The following CHCHD3 variants were observed in gnomAD, a reference collection of about 807,000 sequenced individuals.
CHCHD3 encodes the protein MICOS complex subunit MIC19.
In CHCHD3, 20 loss-of-function variants were observed where a neutral mutation model predicts 38.2. That is an observed-to-expected ratio of 0.52 (90% CI 0.37 to 0.76). The LOEUF is 0.76. Among genes scored for constraint, CHCHD3 ranks in the 30% least tolerant of loss-of-function variants. CHCHD3 has a pLI of 0.00. For missense variants in CHCHD3, 245 were observed against 279.2 expected (o/e 0.88, Z 0.87); for synonymous variants, 82 against 100.0 (o/e 0.82, Z 1.07).
At chr7:133,017,399 C>G (rs1813058368) in intron 3 of CHCHD3, among the ~76,000 whole-genome samples, 1 of 152,154 alleles carries the variant, frequency 6.6e-6, no homozygotes, top group South Asian at 2.1e-4. Context: ...ATCTTTTATG[C>G]AAGGAATAAT....
At chr7:132,964,505 C>T (rs1585680470) in intron 4 of CHCHD3, among the ~76,000 whole-genome samples, 1 of 152,108 alleles carries the variant, frequency 6.6e-6, no homozygotes, top group Admixed American at 6.6e-5. Context: ...CACTTGAACC[C>T]GGGAGGCGGA....
intron 4 of CHCHD3, among the ~76,000 whole-genome samples, chr7:132,951,185 T>C (rs965902006): frequency 3.3e-5 from 5 of 152,148 alleles, no homozygotes; most frequent in African/African-American, 9.7e-5. Context: ...TTTAAGAACG[T>C]GATCAGAATT....
At chr7:132,915,077 T>G (rs1810070743) in intron 4 of CHCHD3, among the ~76,000 whole-genome samples, 1 of 150,740 alleles carries the variant, frequency 6.6e-6, no homozygotes, top group Admixed American at 6.6e-5. Flanking sequence ...CAGGAGAGGT[T>G]GCAGTCAGCC....
chr7:132,970,368 A>G (rs137990623), intron 4 of CHCHD3, among the ~76,000 whole-genome samples: 26 of 152,286 alleles, frequency 1.7e-4, no homozygotes, highest in African/African-American at 5.3e-4. Flanking sequence ...TCAGTCATTT[A>G]TTCAATCAAC....
At position 133,004,632 on chromosome 7, in the gene CHCHD3, A is replaced by T. The variant is rs1166162050; in HGVS notation, c.251+19914T>A. Among the ~76,000 whole-genome samples, 4 of 152,230 alleles carry T rather than the reference A, an allele frequency of 2.6e-5. No homozygotes were observed. The East Asian group carries it at 7.7e-4, about 29-fold the overall frequency. On this transcript the variant is annotated intron_variant, in intron 3 of 7. Transcript: ENST00000262570. The stretch of plus-strand genomic sequence containing the variant: ...CAAAGAGAATGAGAACAGGACACTA[A>T]CTAAAGACACTGAAACAATTAAGTA...
intron 4 of CHCHD3, among the ~76,000 whole-genome samples, chr7:132,916,918 T>C (rs571988828): frequency 1.1e-4 from 16 of 152,178 alleles, no homozygotes; most frequent in Non-Finnish European, 1.9e-4. Flanking sequence ...TATCACAGTA[T>C]GTATGTATGG....
rs181716210 is a variant in CHCHD3, at chr7:132,814,066, C to T, written c.525-17489G>A. ...GGAACTCAACAGAATTGATGGCAAACGGCTTTAATTTGCCTTAATAGTAGC... is the reference window on the plus strand; with the variant it reads ...GGAACTCAACAGAATTGATGGCAAATGGCTTTAATTTGCCTTAATAGTAGC... On this transcript the variant is annotated intron_variant, in intron 6 of 7. Coordinates refer to ENST00000262570, the MANE Select transcript of CHCHD3 (RefSeq NM_017812.4). Among the ~76,000 whole-genome samples the T allele has an allele frequency of 1.4e-3, 210 of 152,294 alleles. 4 individuals are homozygous for T. Among genetic ancestry groups the T allele is most frequent in the Admixed American group, 0.013 (204 of 15,296 alleles).
Position 133,059,459 on chromosome 7 carries a change from C to T in CHCHD3, c.169+10683G>A, listed in dbSNP as rs574647628. Among the ~76,000 whole-genome samples, 216 of 152,236 alleles carry T rather than the reference C, an allele frequency of 1.4e-3. 1 individual carries two copies. The highest frequency in any genetic ancestry group is 3.4e-3 in the Middle Eastern group (1 of 294). ...TAGCAGGAACTGAGAGCGGGAGGGT[C>T]CGAGAAGGGAAAATCCCAACTCACT... On this transcript the variant is annotated intron_variant, in intron 2 of 7. Coordinates refer to ENST00000262570, the MANE Select transcript of CHCHD3 (RefSeq NM_017812.4).
chr7:132,933,492 C>T (rs1238557369), intron 4 of CHCHD3, among the ~76,000 whole-genome samples: 1 of 152,118 alleles, frequency 6.6e-6, no homozygotes, highest in Non-Finnish European at 1.5e-5. Flanking sequence ...TCTCAGCTGC[C>T]CTTTGGAATC....
At chr7:132,917,448 T>C (rs560711375) in intron 4 of CHCHD3, among the ~76,000 whole-genome samples, 1 of 152,358 alleles carries the variant, frequency 6.6e-6, no homozygotes, top group East Asian at 1.9e-4. Flanking sequence ...AACATTTCTT[T>C]ATTCAACTTT....
At chr7:132,986,291 A>G (rs1285716683) in intron 3 of CHCHD3, among the ~76,000 whole-genome samples, 1 of 149,170 alleles carries the variant, frequency 6.7e-6, no homozygotes, top group East Asian at 1.9e-4. Flanking sequence ...TCCTCTGCCT[A>G]GGAAAACCAG....
chr7:132,930,064 A>G (rs1810478899), intron 4 of CHCHD3, among the ~76,000 whole-genome samples: 1 of 152,188 alleles, frequency 6.6e-6, no homozygotes, highest in African/African-American at 2.4e-5. Context: ...TAAGTGACAG[A>G]AATCTTAAAC....
At chr7:133,052,782 G>A (rs1355664521) in intron 2 of CHCHD3, among the ~76,000 whole-genome samples, 1 of 152,170 alleles carries the variant, frequency 6.6e-6, no homozygotes, top group Non-Finnish European at 1.5e-5. Flanking sequence ...TGGAAAACCT[G>A]TACAGAAAGG....
At chr7:133,006,357 T>A (rs1382940551) in intron 3 of CHCHD3, among the ~76,000 whole-genome samples, 1 of 151,984 alleles carries the variant, frequency 6.6e-6, no homozygotes, top group African/African-American at 2.4e-5. Context: ...TCCCAGCTAC[T>A]TGGGAGCCTG....
At chr7:133,064,385 A>G (rs1364755048) in intron 2 of CHCHD3, among the ~76,000 whole-genome samples, 1 of 152,238 alleles carries the variant, frequency 6.6e-6, no homozygotes, top group Non-Finnish European at 1.5e-5. Flanking sequence ...AAAAGTACAC[A>G]GTTGAGACAC....
intron 4 of CHCHD3, among the ~76,000 whole-genome samples, chr7:132,919,323 G>C (rs1485103644): frequency 6.6e-6 from 1 of 151,880 alleles, no homozygotes; most frequent in Non-Finnish European, 1.5e-5. Context: ...GTGTTAACCA[G>C]GATGGTCTCA....
chr7:132,816,526 C>T (rs1265055592), intron 6 of CHCHD3, among the ~76,000 whole-genome samples: 1 of 152,134 alleles, frequency 6.6e-6, no homozygotes, highest in Non-Finnish European at 1.5e-5. Flanking sequence ...GTTAATTGCA[C>T]GATCTCTCCA....
intron 3 of CHCHD3, among the ~76,000 whole-genome samples, chr7:133,000,797 G>A (rs948901317): frequency 2.0e-5 from 3 of 152,074 alleles, no homozygotes; most frequent in Non-Finnish European, 2.9e-5. Flanking sequence ...TGTTATATTT[G>A]TCACACTGAG....
chr7:132,870,502 A>G (rs890641387), intron 5 of CHCHD3, among the ~76,000 whole-genome samples: 2 of 152,172 alleles, frequency 1.3e-5, no homozygotes, highest in Non-Finnish European at 2.9e-5. Flanking sequence ...ACTGGTGCTG[A>G]TAACTGATAT....
Sources: allele counts gnomAD v4.1 joint callset (sites outside exome capture counted in the v4.1 genomes callset), GRCh38; gene constraint gnomAD v4.1.1; transcripts MANE v1.5; gene names NCBI Gene and HGNC (gene_info 2026-07-23, HGNC 2026-07-21).